The following FBXO4 variants were observed in gnomAD, a reference collection of about 807,000 sequenced individuals.
FBXO4 encodes the protein F-box protein 4.
In FBXO4, 36 loss-of-function variants were observed where a neutral mutation model predicts 43.7. That is an observed-to-expected ratio of 0.82 (90% CI 0.63 to 1.09). FBXO4 has a LOEUF of 1.09. FBXO4 is among the 50% of genes least tolerant of loss of function. The probability of loss-of-function intolerance (pLI) is 0.00; values close to 1 mark genes in which losing one functional copy is unlikely to be tolerated. For synonymous variants in FBXO4, 180 were observed against 165.6 expected, an observed-to-expected ratio of 1.09 and a Z score of -0.67; for missense variants, 435 against 474.1, an observed-to-expected ratio of 0.92 and a Z score of 0.77.
At chr5:41,965,661 T>G in the FBXO4 span, among the ~76,000 whole-genome samples, 3 of 152,148 alleles carry the variant, frequency 2.0e-5, no homozygotes, top group African/African-American at 4.8e-5. Flanking sequence ...AAAAAGTCAG[T>G]AAACAACAGA....
chr5:42,006,658 C>G, the FBXO4 span, among the ~76,000 whole-genome samples: 1 of 151,374 alleles, frequency 6.6e-6, no homozygotes, highest in Non-Finnish European at 1.5e-5. Context: ...GAAGAAGGGT[C>G]TTAATAGCCT....
At chr5:41,964,162 T>C in the FBXO4 span, among the ~76,000 whole-genome samples, 6 of 152,238 alleles carry the variant, frequency 3.9e-5, no homozygotes, top group Non-Finnish European at 7.3e-5. Context: ...TCATTGCTCA[T>C]GTATCCAGCC....
the FBXO4 span, among the ~76,000 whole-genome samples, chr5:41,988,753 G>T: frequency 6.6e-6 from 1 of 152,108 alleles, no homozygotes; most frequent in African/African-American, 2.4e-5. Context: ...AATAAGAGTT[G>T]TTGATATTTT....
the FBXO4 span, among the ~76,000 whole-genome samples, chr5:41,956,899 A>T: frequency 6.6e-6 from 1 of 150,910 alleles, no homozygotes; most frequent in African/African-American, 2.4e-5. Context: ...TTTAGTAGAG[A>T]CTGGGTTTCA....
the FBXO4 span, among the ~76,000 whole-genome samples, chr5:41,983,760 A>T: frequency 7.9e-5 from 12 of 151,990 alleles, 1 homozygote; most frequent in South Asian, 2.5e-3. Flanking sequence ...ATTATTTGAT[A>T]CTTCTCCTTT....
Position 41,925,441 on chromosome 5 carries a change from G to A in FBXO4, c.132G>A (p.Ala44=). 7.3e-7 allele frequency: 1 copy of A among 1,365,534 alleles called. No individual in the cohort carries two copies. Among genetic ancestry groups the A allele is most frequent in the Non-Finnish European group, 9.5e-7 (1 of 1,052,632 alleles). 84.6% of individuals were successfully genotyped at this position (1,365,534 alleles called of 1,614,324 possible). ...FWQSVSKERV[A]RTTSREEVDE... ...AGTCAGTGAGCAAGGAGAGGGTGGC[G>A]CGTACGACCTCACGGGAGGAGGTGG... The change falls in exon 1 of 7, where the codon GCG becomes GCA. Residue 44 remains alanine, a synonymous_variant. Coordinates refer to ENST00000281623, the MANE Select transcript of FBXO4 (RefSeq NM_012176.3).
At chr5:41,977,082 T>C in the FBXO4 span, among the ~76,000 whole-genome samples, 1 of 152,218 alleles carries the variant, frequency 6.6e-6, no homozygotes, top group Admixed American at 6.5e-5. Flanking sequence ...GTTCTGAGAC[T>C]GAGAAGGGCA....
chr5:41,926,356 G>GA (rs751263536), intron 1 of FBXO4, among the ~76,000 whole-genome samples: 9 of 152,170 alleles, frequency 5.9e-5, no homozygotes, highest in Non-Finnish European at 1.2e-4. Flanking sequence ...GGCGGATCAC[G>GA]AGGTCAGGAG....
chr5:41,997,245 T>C, the FBXO4 span, among the ~76,000 whole-genome samples: 1 of 152,200 alleles, frequency 6.6e-6, no homozygotes, highest in Non-Finnish European at 1.5e-5. Flanking sequence ...CACCACTTGA[T>C]TAAGCTTATG....
At chr5:42,012,236 G>A in the FBXO4 span, among the ~76,000 whole-genome samples, 1 of 152,006 alleles carries the variant, frequency 6.6e-6, no homozygotes, top group Non-Finnish European at 1.5e-5. Flanking sequence ...ACAACACCAG[G>A]GCCTCTATAG....
At chr5:41,973,227 A>C in the FBXO4 span, among the ~76,000 whole-genome samples, 120 of 152,300 alleles carry the variant, frequency 7.9e-4, no homozygotes, top group African/African-American at 2.6e-3. Context: ...ATAAGCAAAA[A>C]CCAAACCAAA....
the FBXO4 span, among the ~76,000 whole-genome samples, chr5:41,972,430 G>A: frequency 6.6e-6 from 1 of 152,092 alleles, no homozygotes; most frequent in South Asian, 2.1e-4. Context: ...AAGAAACACT[G>A]CTGAAAGAAA....
chr5:42,038,966 T>G, the FBXO4 span, among the ~76,000 whole-genome samples: 2 of 152,150 alleles, frequency 1.3e-5, no homozygotes, highest in Non-Finnish European at 2.9e-5. Context: ...ATCTTCCTTT[T>G]CATTTTCTAT....
the FBXO4 span, among the ~76,000 whole-genome samples, chr5:41,978,148 T>G: frequency 6.6e-6 from 1 of 152,074 alleles, no homozygotes; most frequent in Non-Finnish European, 1.5e-5. Flanking sequence ...GGAAGCAAGA[T>G]ACAGATGGGG....
the FBXO4 span, chr5:41,952,086 TC>T: frequency 3.6e-5 from 7 of 192,302 alleles, no homozygotes; most frequent in African/African-American, 1.7e-4. Flanking sequence ...GAGGTACTGT[TC>T]CATTTGGAAG....
chr5:42,025,676 T>A, the FBXO4 span, among the ~76,000 whole-genome samples: 1 of 152,000 alleles, frequency 6.6e-6, no homozygotes, highest in African/African-American at 2.4e-5. Context: ...TAGTGTGAGG[T>A]CTTAGATTTA....
At chr5:41,952,599 T>G in the FBXO4 span, among the ~76,000 whole-genome samples, 2 of 152,298 alleles carry the variant, frequency 1.3e-5, no homozygotes, top group South Asian at 4.1e-4. Context: ...GCCTTTTAGC[T>G]GTAAATACCC....
At chr5:42,002,068 C>G in the FBXO4 span, among the ~76,000 whole-genome samples, 13 of 152,078 alleles carry the variant, frequency 8.5e-5, no homozygotes, top group Admixed American at 8.5e-4. Context: ...GATTTTGTAT[C>G]CTGCAATTTT....
At chr5:41,956,839 AG>A in the FBXO4 span, among the ~76,000 whole-genome samples, 1 of 151,234 alleles carries the variant, frequency 6.6e-6, no homozygotes, top group Non-Finnish European at 1.5e-5. Context: ...CAGCCTCCCA[AG>A]TAGCTGGGAT....
Sources: gnomAD v4.1 joint callset for allele counts (sites outside exome capture counted in the v4.1 genomes callset) on GRCh38, gnomAD v4.1.1 for gene constraint, MANE v1.5 for transcripts, NCBI Gene and HGNC (gene_info 2026-07-23, HGNC 2026-07-21) for gene names.